The following MARCHF8 variants were observed in gnomAD, a reference collection of about 807,000 sequenced individuals.
MARCHF8 encodes the protein E3 ubiquitin-protein ligase MARCHF8.
A neutral mutation model predicts 51.6 loss-of-function variants in MARCHF8; 40 were observed. That is an observed-to-expected ratio of 0.77 (90% CI 0.60 to 1.01). The LOEUF is 1.01. Ranked by LOEUF, MARCHF8 falls within the 50% of genes least tolerant of loss-of-function variation. The probability of loss-of-function intolerance (pLI) is 0.00; values close to 1 mark genes in which losing one functional copy is unlikely to be tolerated. For synonymous variants in MARCHF8, 263 were observed against 280.3 expected (o/e 0.94, Z 0.62); for missense variants, 685 against 708.6 (o/e 0.97, Z 0.38).
chr10:45,505,303 T>G (rs1387874876), intron 2 of MARCHF8, among the ~76,000 whole-genome samples: 1 of 152,176 alleles, frequency 6.6e-6, no homozygotes, highest in Non-Finnish European at 1.5e-5. Context: ...GTCCTAGGGG[T>G]AGACACTATC....
At chr10:45,579,699 T>C (rs1554821161) in intron 1 of MARCHF8, among the ~76,000 whole-genome samples, 1 of 152,056 alleles carries the variant, frequency 6.6e-6, no homozygotes, top group South Asian at 2.1e-4. Flanking sequence ...AGTTCAGCAA[T>C]ATGAATCAAG....
intron 1 of MARCHF8, among the ~76,000 whole-genome samples, chr10:45,584,529 T>C (rs1490295081): frequency 6.6e-6 from 1 of 152,114 alleles, no homozygotes; most frequent in Non-Finnish European, 1.5e-5. Context: ...AGAACTCCAA[T>C]GTCTGCTAAG....
In MARCHF8 at chr10:45,458,205, A is replaced by G. The variant is rs768906439; in HGVS notation, c.*34T>C. On this transcript the variant is annotated 3_prime_UTR_variant, in exon 8 of 8. Transcript: ENST00000453424. ...AGTAAACAATTTCCTTCAGCTCTTC[A>G]TGGATGTCCAGGAAAATGACAACCC... is the stretch of plus-strand genomic sequence containing the variant. 12 of 1,577,018 alleles carry G rather than the reference A, an allele frequency of 7.6e-6. No homozygotes were observed. The highest frequency in any genetic ancestry group is 2.2e-5 in the East Asian group (1 of 44,664).
At chr10:45,478,578 AAAG>A (rs2042827259) in intron 3 of MARCHF8, among the ~76,000 whole-genome samples, 1 of 151,524 alleles carries the variant, frequency 6.6e-6, no homozygotes, top group African/African-American at 2.4e-5. Flanking sequence ...TAAAAAAAAA[AAAG>A]ATCAATGAAA....
intron 1 of MARCHF8, among the ~76,000 whole-genome samples, chr10:45,548,989 C>T (rs1170275746): frequency 6.7e-6 from 1 of 149,132 alleles, no homozygotes; most frequent in African/African-American, 2.5e-5. Context: ...GAGCAAGACT[C>T]CATCTCAAAA....
intron 1 of MARCHF8, among the ~76,000 whole-genome samples, chr10:45,579,356 A>T (rs1232703067): frequency 1.3e-5 from 2 of 150,960 alleles, no homozygotes; most frequent in Non-Finnish European, 3.0e-5. Context: ...TAACTAGAAA[A>T]CTAGGTAAGC....
chr10:45,581,856 C>T (rs556108160), intron 1 of MARCHF8, among the ~76,000 whole-genome samples: 21 of 151,402 alleles, frequency 1.4e-4, no homozygotes, highest in Middle Eastern at 3.4e-3. Flanking sequence ...AAAAGGGCTG[C>T]TTTCCCAGAT....
chr10:45,483,683 A>C (rs146122464), intron 3 of MARCHF8, among the ~76,000 whole-genome samples: 152 of 152,366 alleles, frequency 1.0e-3, no homozygotes, highest in African/African-American at 3.5e-3. Context: ...TCAATGGACA[A>C]ACAGGTAAAG....
At chr10:45,591,681 C>T (rs1285950344) in intron 1 of MARCHF8, among the ~76,000 whole-genome samples, 1 of 152,094 alleles carries the variant, frequency 6.6e-6, no homozygotes, top group Non-Finnish European at 1.5e-5. Context: ...CTTTCTAATA[C>T]AGAAAGACAC....
At chr10:45,498,842 C>T (rs774003262) in intron 2 of MARCHF8, among the ~76,000 whole-genome samples, 1 of 152,178 alleles carries the variant, frequency 6.6e-6, no homozygotes, top group Non-Finnish European at 1.5e-5. Flanking sequence ...TTTATTTATT[C>T]ATTCACCCTT....
At chr10:45,473,791 C>A (rs1164942730) in intron 3 of MARCHF8, among the ~76,000 whole-genome samples, 6 of 152,184 alleles carry the variant, frequency 3.9e-5, no homozygotes, top group African/African-American at 1.4e-4. Flanking sequence ...GTGGTTACAG[C>A]CACCTGCAAT....
intron 1 of MARCHF8, among the ~76,000 whole-genome samples, chr10:45,580,491 T>C (rs1342506419): frequency 6.6e-6 from 1 of 152,286 alleles, no homozygotes; most frequent in South Asian, 2.1e-4. Flanking sequence ...GCACTCCAAG[T>C]ATTTCTTGAG....
At chr10:45,593,003 T>C (rs2044698318) in intron 1 of MARCHF8, among the ~76,000 whole-genome samples, 1 of 152,080 alleles carries the variant, frequency 6.6e-6, no homozygotes, top group Non-Finnish European at 1.5e-5. Context: ...AGCCAAAAGG[T>C]AGAATAGTAA....
chr10:45,548,713 C>T (rs1375972484), intron 1 of MARCHF8, among the ~76,000 whole-genome samples: 1 of 152,122 alleles, frequency 6.6e-6, no homozygotes, highest in African/African-American at 2.4e-5. Flanking sequence ...CAGAAATAGT[C>T]TGCGTTTGGC....
At chr10:45,591,161 ACT>A (rs1491228729) in intron 1 of MARCHF8, among the ~76,000 whole-genome samples, 3 of 151,908 alleles carry the variant, frequency 2.0e-5, no homozygotes, top group Non-Finnish European at 4.4e-5. Flanking sequence ...CCCTTTGCTG[ACT>A]CTCTTTTCGG....
intron 3 of MARCHF8, among the ~76,000 whole-genome samples, chr10:45,466,889 G>A (rs1386858719): frequency 6.6e-6 from 1 of 152,200 alleles, no homozygotes; most frequent in Non-Finnish European, 1.5e-5. Context: ...CCTGAAGGTA[G>A]GAGGGCAGAG....
At chr10:45,518,710 C>T (rs1319068653) in intron 2 of MARCHF8, among the ~76,000 whole-genome samples, 3 of 152,126 alleles carry the variant, frequency 2.0e-5, no homozygotes, top group Admixed American at 6.5e-5. Context: ...AATGGAAATC[C>T]GTTTCCACAT....
intron 2 of MARCHF8, among the ~76,000 whole-genome samples, chr10:45,513,318 G>A (rs2043564678): frequency 6.6e-6 from 1 of 152,106 alleles, no homozygotes; most frequent in Admixed American, 6.5e-5. Flanking sequence ...TAGAAAGACA[G>A]TTAATGGTCT....
At chr10:45,504,421 G>A (rs2043341679) in intron 2 of MARCHF8, among the ~76,000 whole-genome samples, 1 of 152,208 alleles carries the variant, frequency 6.6e-6, no homozygotes, top group Non-Finnish European at 1.5e-5. Flanking sequence ...TCCAGCGTGG[G>A]AAACAAGAGC....
Sources: allele counts gnomAD v4.1 joint callset (sites outside exome capture counted in the v4.1 genomes callset), GRCh38; gene constraint gnomAD v4.1.1; transcripts MANE v1.5; gene names NCBI Gene and HGNC (gene_info 2026-07-23, HGNC 2026-07-21).